The following ZNF652 variants were observed in gnomAD, a reference collection of about 807,000 sequenced individuals.
ZNF652 encodes the protein zinc finger protein 652.
In ZNF652, 16 loss-of-function variants were observed where a neutral mutation model predicts 45.2. The ratio of observed to expected loss-of-function variants is 0.35; its 90% CI spans 0.24 to 0.54. The LOEUF is 0.54. Ranked by LOEUF, ZNF652 falls within the 20% of genes least tolerant of loss-of-function variation. The probability of loss-of-function intolerance (pLI) is 0.91; values close to 1 mark genes in which losing one functional copy is unlikely to be tolerated. For missense variants in ZNF652, 614 were observed against 765.6 expected, an observed-to-expected ratio of 0.80 and a Z score of 2.34; for synonymous variants, 250 against 260.6, an observed-to-expected ratio of 0.96 and a Z score of 0.39.
At chr17:49,353,478 T>C (rs1227703131) in intron 1 of ZNF652, among the ~76,000 whole-genome samples, 1 of 152,144 alleles carries the variant, frequency 6.6e-6, no homozygotes, top group African/African-American at 2.4e-5. Context: ...ACAAATTCTT[T>C]AAAATTTTTT....
chr17:49,356,117 G>A (rs1598320660), intron 1 of ZNF652, among the ~76,000 whole-genome samples: 3 of 151,224 alleles, frequency 2.0e-5, no homozygotes, highest in Non-Finnish European at 3.0e-5. Context: ...CAAATACTTC[G>A]TTATTTCATT....
chr17:49,316,527 G>A (rs1041826036), intron 2 of ZNF652, among the ~76,000 whole-genome samples: 72 of 152,134 alleles, frequency 4.7e-4, no homozygotes, highest in Middle Eastern at 3.4e-3. Context: ...TCTATTACAC[G>A]TCCTACAACA....
chr17:49,315,590 T>A (rs1022288439), intron 2 of ZNF652, among the ~76,000 whole-genome samples: 1 of 150,788 alleles, frequency 6.6e-6, no homozygotes, highest in East Asian at 1.9e-4. Context: ...AAAACCTATA[T>A]ATAAAGATCA....
Position 49,317,521 on chromosome 17 carries a change from T to C in ZNF652, c.205A>G (p.Lys69Glu), listed in dbSNP as rs745326729. 1.9e-6 allele frequency: 3 copies of C among 1,614,026 alleles called. No homozygotes were observed. Among genetic ancestry groups the C allele is most frequent in the Non-Finnish European group, 1.7e-6 (2 of 1,180,000 alleles). The stretch of plus-strand genomic sequence containing the variant: ...TCTTCTGTTTCATGGAGATGCGGTT[T>C]GCTCATCTTGGTGTCCACTAACACA... ...YSVLVDTKMS[K>E]PHLHETEEQP... is the part of the protein sequence containing the mutation. Residue 69 changes from lysine to glutamate, a missense_variant, in exon 2 of 6, where the codon AAA (lysine) becomes GAA (glutamate). Lys to Glu is a moderately conservative substitution (Grantham distance 56, BLOSUM62 1). Transcript: ENST00000430262.
intron 1 of ZNF652, among the ~76,000 whole-genome samples, chr17:49,342,563 G>A (rs111975488): frequency 0.42 from 55,493 of 132,626 alleles, 14,716 homozygotes; most frequent in Non-Finnish European, 0.43. Flanking sequence ...AAGGGGGGGG[G>A]GGGGGGGGAA....
At position 49,298,706 on chromosome 17, in the gene ZNF652, T is replaced by C; in HGVS notation, c.1528A>G (p.Thr510Ala). 1 of 1,613,778 alleles carries C rather than the reference T, an allele frequency of 6.2e-7. No homozygotes were observed. Among genetic ancestry groups the C allele is most frequent in the Non-Finnish European group, 8.5e-7 (1 of 1,179,948 alleles). ...VPPAVQIPLT[T>A]SPATPVPSVV... ...GAAGGAACTGGGGTGGCTGGGGAAG[T>C]TGTAAGTGGGATCTGGACAGCAGGT... The change falls in exon 6 of 6, where the codon ACT (threonine) becomes GCT (alanine). Residue 510 changes from threonine to alanine, a missense_variant. Physicochemically the swap from Thr to Ala is moderately conservative, Grantham distance 58. Around this residue, in one of 5 missense-constraint regions of ZNF652, gnomAD observed 132 missense variants for 137.2 expected, o/e 0.96. Transcript: ENST00000430262.
In ZNF652 at chr17:49,291,484, A is replaced by T. The variant is rs2069403656; in HGVS notation, c.*6929T>A. On this transcript the variant is annotated 3_prime_UTR_variant, in exon 6 of 6. Transcript: ENST00000430262. The stretch of plus-strand genomic sequence containing the variant: ...TGAAATCATTTTCAAGTAATATGTA[A>T]CATCCCTGATCTCACCAGAGAAGCT... 1 of 152,192 alleles carries T rather than the reference A, an allele frequency of 6.6e-6. No homozygotes were observed. The highest frequency in any genetic ancestry group is 2.1e-4 in the South Asian group (1 of 4,830). 9.4% of individuals were successfully genotyped at this position (152,192 alleles called of 1,614,324 possible).
chr17:49,289,482 C>G lies in ZNF652; in HGVS notation c.*8931G>C, dbSNP rs2069376805. On this transcript the variant is annotated 3_prime_UTR_variant, in exon 6 of 6. Coordinates refer to ENST00000430262, the MANE Select transcript of ZNF652 (RefSeq NM_001145365.3). ...AAAAATAATATCGGTATAGTTAACA[C>G]AAGGGGGAAATCAGTACATTGAGGG... is the stretch of plus-strand genomic sequence containing the variant. 1 of 152,124 alleles carries G rather than the reference C, an allele frequency of 6.6e-6. No individual in the cohort carries two copies. The highest frequency in any genetic ancestry group is 2.1e-4 in the South Asian group (1 of 4,824). The allele number at this position is 152,124 out of a possible 1,614,324, so 9.4% of individuals were successfully genotyped here. A position where few individuals can be genotyped will look rare whatever the true frequency, so the allele number is the denominator to read the frequency against.
intron 1 of ZNF652, among the ~76,000 whole-genome samples, chr17:49,340,258 T>C (rs1016707517): frequency 9.2e-5 from 14 of 151,826 alleles, no homozygotes; most frequent in African/African-American, 3.4e-4. Flanking sequence ...CTACCAGAGA[T>C]AGAAAAATTA....
intron 1 of ZNF652, among the ~76,000 whole-genome samples, chr17:49,347,740 G>T (rs75309945): frequency 0.032 from 2,614 of 81,026 alleles, 182 homozygotes; most frequent in Non-Finnish European, 0.035. Context: ...CCTTGGTTTT[G>T]TTTTTTTTTT....
chr17:49,361,324 C>G (rs2070390469), intron 1 of ZNF652: 2 of 152,180 alleles, frequency 1.3e-5, no homozygotes, highest in Non-Finnish European at 1.5e-5. Flanking sequence ...TGTCTCGGAT[C>G]TAAGAATCTT....
intron 1 of ZNF652, among the ~76,000 whole-genome samples, chr17:49,340,011 C>A (rs946625423): frequency 6.6e-6 from 1 of 152,146 alleles, no homozygotes; most frequent in Non-Finnish European, 1.5e-5. Context: ...GGATTACAGG[C>A]GTGAGCCACC....
At chr17:49,310,424 G>A (rs1185125388) in intron 5 of ZNF652, among the ~76,000 whole-genome samples, 2 of 152,216 alleles carry the variant, frequency 1.3e-5, no homozygotes, top group African/African-American at 4.8e-5. Flanking sequence ...GTTTATGGGG[G>A]AGCTATTATT....
chr17:49,359,120 G>C (rs1192399878), intron 1 of ZNF652, among the ~76,000 whole-genome samples: 3 of 152,162 alleles, frequency 2.0e-5, no homozygotes, highest in African/African-American at 7.2e-5. Context: ...ACTGTCCTCT[G>C]AGATTTTAAT....
At chr17:49,303,306 T>A (rs1448697629) in intron 5 of ZNF652, among the ~76,000 whole-genome samples, 3 of 144,884 alleles carry the variant, frequency 2.1e-5, no homozygotes, top group African/African-American at 7.8e-5. Context: ...AGTGGTGTGA[T>A]CTCGGCTCAC....
rs979664182 is a variant in ZNF652 at position 49,309,066 on chromosome 17, G to A, written c.1309+2246C>T. On this transcript the variant is annotated intron_variant, in intron 5 of 5. Transcript: ENST00000430262. ...GGGAGAAAAACACACAGGGAGACAG[G>A]CAGAGAAGATAAGGGGGATGCAGAG... Among the ~76,000 whole-genome samples the A allele has an allele frequency of 1.2e-4, 19 of 152,154 alleles. No homozygotes were observed. In the East Asian group the frequency reaches 3.5e-3, roughly 28 times the overall value.
chr17:49,325,038 G>A (rs1272283109), intron 1 of ZNF652, among the ~76,000 whole-genome samples: 1 of 152,132 alleles, frequency 6.6e-6, no homozygotes, highest in Admixed American at 6.5e-5. Flanking sequence ...ACTGCACCCG[G>A]CCCACTGGGG....
intron 1 of ZNF652, among the ~76,000 whole-genome samples, chr17:49,346,915 G>C (rs1485017200): frequency 6.6e-6 from 1 of 152,186 alleles, no homozygotes; most frequent in East Asian, 1.9e-4. Context: ...ACAGGGCAGG[G>C]AATGTATGAG....
chr17:49,357,849 A>G (rs1454399232), intron 1 of ZNF652, among the ~76,000 whole-genome samples: 1 of 152,224 alleles, frequency 6.6e-6, no homozygotes, highest in Non-Finnish European at 1.5e-5. Context: ...TCCGCCAGCC[A>G]TAGAGCAACA....
Sources: gnomAD v4.1 joint callset for allele counts (sites outside exome capture counted in the v4.1 genomes callset) on GRCh38, gnomAD v4.1.1 for gene constraint, gnomAD v4.1.1 regional missense constraint, MANE v1.5 for transcripts, NCBI Gene and HGNC (gene_info 2026-07-23, HGNC 2026-07-21) for gene names.